The following MEGF9 variants were observed in gnomAD, a reference collection of about 807,000 sequenced individuals.
MEGF9 encodes the protein multiple epidermal growth factor-like domains protein 9.
In MEGF9, 6 loss-of-function variants were observed where a neutral mutation model predicts 46.8. The observed-to-expected ratio is 0.13, with a 90% CI of 0.07 to 0.25. MEGF9 has a LOEUF of 0.25. MEGF9 is among the 10% of genes least tolerant of loss of function. The pLI, the probability that MEGF9 is intolerant of heterozygous loss-of-function variation, is 1.00. For missense variants in MEGF9, 683 were observed against 792.4 expected (o/e 0.86, Z 1.66); for synonymous variants, 302 against 330.7 (o/e 0.91, Z 0.94).
chr9:120,619,894 G>T (rs534970330), intron 3 of MEGF9, among the ~76,000 whole-genome samples: 2 of 152,320 alleles, frequency 1.3e-5, no homozygotes, highest in East Asian at 3.9e-4. Context: ...AGTAGAGGGG[G>T]TGAAAATAGG....
At chr9:120,613,436 C>CAT (rs965790299) in intron 3 of MEGF9, among the ~76,000 whole-genome samples, 8 of 151,412 alleles carry the variant, frequency 5.3e-5, no homozygotes, top group East Asian at 1.9e-4. Flanking sequence ...TAACTATATA[C>CAT]ATATATATAT....
chr9:120,652,614 G>A (rs1253987515), intron 2 of MEGF9, among the ~76,000 whole-genome samples: 3 of 146,690 alleles, frequency 2.0e-5, no homozygotes, highest in South Asian at 2.1e-4. Flanking sequence ...ACACACACAC[G>A]TATGTGCACA....
chr9:120,679,348 A>G lies in MEGF9; in HGVS notation c.602-19773T>C, dbSNP rs145660030. 2.0e-3 allele frequency among the ~76,000 whole-genome samples: 311 copies of G among 152,238 alleles called. 1 individual carries two copies. The highest frequency in any genetic ancestry group is 7.1e-3 in the African/African-American group (294 of 41,524). ...AGGGACACAGATGAAGCTAGAAACC[A>G]TCATTCTGAGCAAACTATCACAAGG... On this transcript the variant is annotated intron_variant, in intron 1 of 5. Coordinates refer to ENST00000373930, the MANE Select transcript of MEGF9 (RefSeq NM_001080497.3).
chr9:120,626,398 A>G (rs2043525817), intron 2 of MEGF9, among the ~76,000 whole-genome samples: 1 of 152,228 alleles, frequency 6.6e-6, no homozygotes, highest in South Asian at 2.1e-4. Context: ...TCAGTTATAG[A>G]ACTTACATAC....
At chr9:120,688,329 A>T (rs540977202) in intron 1 of MEGF9, among the ~76,000 whole-genome samples, 1 of 152,308 alleles carries the variant, frequency 6.6e-6, no homozygotes, top group Admixed American at 6.5e-5. Context: ...GACTAACTGT[A>T]AAGTCTGCAA....
chr9:120,655,034 T>C (rs2043670222), intron 2 of MEGF9, among the ~76,000 whole-genome samples: 1 of 152,212 alleles, frequency 6.6e-6, no homozygotes, highest in South Asian at 2.1e-4. Context: ...ACATCAGAGA[T>C]CATAATGTTA....
At position 120,601,667 on chromosome 9, in the gene MEGF9, C is replaced by T. The variant is rs2043396715; in HGVS notation, c.*3523G>A. ...AGGTATCACTGGGAAGAGTAACGCACTAGGCCCACAGGACCTTAGTATTAA... is the reference window on the plus strand; with the variant it reads ...AGGTATCACTGGGAAGAGTAACGCATTAGGCCCACAGGACCTTAGTATTAA... On this transcript the variant is annotated 3_prime_UTR_variant, in exon 6 of 6. Coordinates refer to ENST00000373930, the MANE Select transcript of MEGF9 (RefSeq NM_001080497.3). 1 of 152,204 alleles carries T rather than the reference C, an allele frequency of 6.6e-6. No individual in the cohort carries two copies. Among genetic ancestry groups the T allele is most frequent in the African/African-American group, 2.4e-5 (1 of 41,440 alleles). 9.4% of individuals were successfully genotyped at this position (152,204 alleles called of 1,614,324 possible).
chr9:120,629,433 A>G (rs1051415043), intron 2 of MEGF9, among the ~76,000 whole-genome samples: 1 of 152,166 alleles, frequency 6.6e-6, no homozygotes, highest in African/African-American at 2.4e-5. Flanking sequence ...TGAAGCCAGG[A>G]GTTCGAGACC....
chr9:120,626,811 TTTG>T (rs1053976451), intron 2 of MEGF9, among the ~76,000 whole-genome samples: 19 of 152,226 alleles, frequency 1.2e-4, no homozygotes, highest in Non-Finnish European at 2.9e-5. Context: ...TGTATTCTCA[TTTG>T]TTAAGTGAAG....
intron 2 of MEGF9, among the ~76,000 whole-genome samples, chr9:120,655,086 A>C (rs1439978750): frequency 6.6e-6 from 1 of 152,208 alleles, no homozygotes; most frequent in Non-Finnish European, 1.5e-5. Context: ...ATTGAAGAAA[A>C]CTTTTTAAAA....
chr9:120,622,297 A>T (rs1213406126), intron 3 of MEGF9, among the ~76,000 whole-genome samples: 1 of 152,158 alleles, frequency 6.6e-6, no homozygotes, highest in Non-Finnish European at 1.5e-5. Context: ...GCCTATGCTC[A>T]GAATCAGCAA....
chr9:120,669,503 G>A (rs970453190), intron 1 of MEGF9, among the ~76,000 whole-genome samples: 9 of 151,406 alleles, frequency 5.9e-5, no homozygotes, highest in Non-Finnish European at 8.8e-5. Flanking sequence ...GATGAAGCAC[G>A]TAAATACTAG....
intron 2 of MEGF9, among the ~76,000 whole-genome samples, chr9:120,633,157 G>A (rs1167335352): frequency 6.6e-6 from 1 of 152,166 alleles, no homozygotes; most frequent in East Asian, 1.9e-4. Context: ...AATAGTTTCA[G>A]GAGGATTAGT....
intron 1 of MEGF9, among the ~76,000 whole-genome samples, chr9:120,697,610 CT>C (rs2043883825): frequency 6.6e-6 from 1 of 152,162 alleles, no homozygotes; most frequent in Non-Finnish European, 1.5e-5. Context: ...CCTCTTTGTG[CT>C]GAATAGACAA....
chr9:120,713,957 C>A lies in MEGF9; in HGVS notation c.402G>T (p.Ser134=). 1 of 1,380,528 alleles carries A rather than the reference C, an allele frequency of 7.2e-7. No homozygotes were observed. The highest frequency in any genetic ancestry group is 9.4e-7 in the Non-Finnish European group (1 of 1,063,536). The allele number at this position is 1,380,528 out of a possible 1,614,324, so 85.5% of individuals were successfully genotyped here. Residue 134 remains serine (S), a synonymous_variant, in exon 1 of 6, where the codon TCG becomes TCT. Coordinates refer to ENST00000373930, the MANE Select transcript of MEGF9 (RefSeq NM_001080497.3). ...PTTPPAAERT[S]TTSQAPTRPA... is the part of the protein sequence containing the mutation. ...GTCTGGTCGGCGCCTGAGAGGTGGT[C>A]GAAGTGCGTTCCGCCGCCGGAGGGG...
intron 2 of MEGF9, among the ~76,000 whole-genome samples, chr9:120,653,943 A>G (rs2043665044): frequency 6.6e-6 from 1 of 152,210 alleles, no homozygotes; most frequent in South Asian, 2.1e-4. Context: ...AGCCAAGTGT[A>G]AGAAATAAAG....
At chr9:120,701,157 A>C (rs974500742) in intron 1 of MEGF9, among the ~76,000 whole-genome samples, 4 of 151,912 alleles carry the variant, frequency 2.6e-5, no homozygotes, top group African/African-American at 9.7e-5. Flanking sequence ...CAAAATTAAA[A>C]AGGAGTAGGA....
chr9:120,709,868 G>C (rs1283685130), intron 1 of MEGF9, among the ~76,000 whole-genome samples: 4 of 151,766 alleles, frequency 2.6e-5, no homozygotes, highest in Non-Finnish European at 5.9e-5. Context: ...GGCCAACATG[G>C]TGAAACCCCA....
chr9:120,635,595 T>C (rs112411465), intron 2 of MEGF9, among the ~76,000 whole-genome samples: 6 of 152,300 alleles, frequency 3.9e-5, no homozygotes, highest in African/African-American at 1.4e-4. Flanking sequence ...GGATTCTTTC[T>C]TTTGTTGAAT....
Sources: gnomAD v4.1 joint callset for allele counts (sites outside exome capture counted in the v4.1 genomes callset) on GRCh38, gnomAD v4.1.1 for gene constraint, MANE v1.5 for transcripts, NCBI Gene and HGNC (gene_info 2026-07-23, HGNC 2026-07-21) for gene names.